Variants in ROBO1 observed in about 807,000 individuals in gnomAD.
The protein encoded by ROBO1 is roundabout homolog 1.
A neutral mutation model predicts 195.9 loss-of-function variants in ROBO1; 149 were observed. The observed-to-expected ratio is 0.76, with a 90% CI of 0.67 to 0.87. The LOEUF (loss-of-function observed/expected upper bound fraction) is 0.87, where lower values mean the gene tolerates loss of function less well. ROBO1 is among the 40% of genes least tolerant of loss of function. The probability of loss-of-function intolerance (pLI) is 0.00; values close to 1 mark genes in which losing one functional copy is unlikely to be tolerated. For synonymous variants in ROBO1, 816 were observed against 733.2 expected (o/e 1.11, Z -1.82); for missense variants, 1,933 against 2,068.3 (o/e 0.93, Z 1.27).
chr3:79,605,962 A>G (rs1019837406), intron 1 of ROBO1, among the ~76,000 whole-genome samples: 5 of 151,366 alleles, frequency 3.3e-5, no homozygotes, highest in African/African-American at 1.2e-4. Context: ...TTAAGTATAC[A>G]GATTTGGAAG....
intron 2 of ROBO1, among the ~76,000 whole-genome samples, chr3:79,322,326 G>A (rs2034015740): frequency 6.6e-6 from 1 of 152,136 alleles, no homozygotes; most frequent in South Asian, 2.1e-4. Context: ...GCCATAATTG[G>A]AAACCAACAA....
At chr3:78,669,547 T>C (rs952653332) in intron 11 of ROBO1, among the ~76,000 whole-genome samples, 34 of 152,358 alleles carry the variant, frequency 2.2e-4, no homozygotes, top group Middle Eastern at 3.4e-3. Flanking sequence ...TGGGATATGA[T>C]GCCCTGTGAA....
chr3:78,862,141 T>C (rs749911291), intron 4 of ROBO1, among the ~76,000 whole-genome samples: 1 of 152,140 alleles, frequency 6.6e-6, no homozygotes, highest in Non-Finnish European at 1.5e-5. Context: ...GCAGAGAATT[T>C]TCTCTGCTTG....
At chr3:78,678,840 C>T (rs892143792) in intron 10 of ROBO1, among the ~76,000 whole-genome samples, 5 of 152,076 alleles carry the variant, frequency 3.3e-5, no homozygotes, top group East Asian at 1.9e-4. Context: ...CCAGCATCAT[C>T]CTGATACCAA....
At chr3:79,708,475 T>C (rs1304242870) in intron 1 of ROBO1, among the ~76,000 whole-genome samples, 1 of 152,184 alleles carries the variant, frequency 6.6e-6, no homozygotes, top group African/African-American at 2.4e-5. Context: ...TATGTGTCAA[T>C]TTAGTTTTCA....
chr3:78,734,933 G>A (rs1014933349), intron 5 of ROBO1, among the ~76,000 whole-genome samples: 7 of 152,024 alleles, frequency 4.6e-5, no homozygotes, highest in Non-Finnish European at 8.8e-5. Flanking sequence ...AAAGATATAA[G>A]CACTTTATAA....
chr3:79,692,567 C>G (rs1039960157), intron 1 of ROBO1, among the ~76,000 whole-genome samples: 1 of 151,754 alleles, frequency 6.6e-6, no homozygotes, highest in East Asian at 1.9e-4. Context: ...AAGAAAGACA[C>G]AGGAAGACAA....
intron 1 of ROBO1, among the ~76,000 whole-genome samples, chr3:79,689,612 A>T (rs1025022196): frequency 3.9e-5 from 6 of 152,024 alleles, no homozygotes; most frequent in Admixed American, 3.3e-4. Context: ...GGAGGAAATC[A>T]ACTAATAAGG....
At chr3:79,230,213 C>G (rs1414534711) in intron 2 of ROBO1, among the ~76,000 whole-genome samples, 1 of 152,178 alleles carries the variant, frequency 6.6e-6, no homozygotes, top group Non-Finnish European at 1.5e-5. Context: ...AAAGCCCAGT[C>G]TCCCTTATGA....
intron 2 of ROBO1, among the ~76,000 whole-genome samples, chr3:79,300,233 G>C (rs564736424): frequency 6.6e-6 from 1 of 152,172 alleles, no homozygotes; most frequent in African/African-American, 2.4e-5. Context: ...AGGCGTGAGC[G>C]GGAACTGCGG....
chr3:78,903,548 A>G (rs1484675951), intron 4 of ROBO1, among the ~76,000 whole-genome samples: 1 of 146,158 alleles, frequency 6.8e-6, no homozygotes, highest in East Asian at 1.9e-4. Context: ...CAATAAAAGA[A>G]GTACACACAC....
chr3:78,646,160 C>A lies in ROBO1; in HGVS notation c.2870G>T (p.Ser957Ile). Residue 957 changes from serine (S) to isoleucine (I), a missense_variant, in exon 21 of 31, where the codon AGC becomes ATC. Coordinates refer to ENST00000464233, the MANE Select transcript of ROBO1 (RefSeq NM_002941.4). ...VTYQRGGEAV[S>I]SGGRPGLLNI... ...GCAAGATAATTACCTCCCTCCACTGCTGACAGCTTCGCCTCCTCTCTGGTA... is the reference window on the plus strand; with the variant it reads ...GCAAGATAATTACCTCCCTCCACTGATGACAGCTTCGCCTCCTCTCTGGTA... The A allele has an allele frequency of 6.2e-7, 1 of 1,607,412 alleles. No homozygotes were observed. Among genetic ancestry groups the A allele is most frequent in the Non-Finnish European group, 8.5e-7 (1 of 1,175,398 alleles).
intron 4 of ROBO1, among the ~76,000 whole-genome samples, chr3:78,864,963 G>C (rs907889799): frequency 6.6e-6 from 1 of 152,112 alleles, no homozygotes. Flanking sequence ...TTTCACGTTT[G>C]ATCGCTACTT....
chr3:78,995,655 C>T (rs1477923306), intron 3 of ROBO1, among the ~76,000 whole-genome samples: 1 of 103,696 alleles, frequency 9.6e-6, no homozygotes, highest in African/African-American at 3.5e-5. Context: ...AATCCCAATG[C>T]TTTGGGAGGC....
Position 78,978,996 on chromosome 3 carries a change from C to T in ROBO1, c.173-40069G>A, listed in dbSNP as rs186119017. ...AGTACAGCTTGAGGAACATCAGGCT[C>T]TTATTCATGGTTAAGTAATTAAAAA... On this transcript the variant is annotated intron_variant, in intron 3 of 30. Coordinates refer to ENST00000464233, the MANE Select transcript of ROBO1 (RefSeq NM_002941.4). Among the ~76,000 whole-genome samples the T allele has an allele frequency of 3.7e-3, 561 of 152,244 alleles. 4 individuals are homozygous for T. Among genetic ancestry groups the T allele is most frequent in the Middle Eastern group, 6.8e-3 (2 of 292 alleles).
intron 2 of ROBO1, among the ~76,000 whole-genome samples, chr3:79,537,750 G>A (rs1941926431): frequency 6.6e-6 from 1 of 151,986 alleles, no homozygotes; most frequent in Non-Finnish European, 1.5e-5. Flanking sequence ...GTGGGGAGAG[G>A]GGAGGGAGAG....
At chr3:79,428,496 T>A (rs772693810) in intron 2 of ROBO1, among the ~76,000 whole-genome samples, 10 of 152,152 alleles carry the variant, frequency 6.6e-5, no homozygotes, top group Non-Finnish European at 1.0e-4. Flanking sequence ...TCCTCATTAT[T>A]ATTTGGCAGT....
At chr3:79,045,361 G>C (rs1307283596) in intron 3 of ROBO1, among the ~76,000 whole-genome samples, 2 of 151,848 alleles carry the variant, frequency 1.3e-5, no homozygotes, top group East Asian at 1.9e-4. Flanking sequence ...TGAAAATAAA[G>C]AAGCTTAATG....
chr3:79,211,573 CATTATTGTCTTCCAAT>C (rs2081966384), intron 2 of ROBO1, among the ~76,000 whole-genome samples: 1 of 152,102 alleles, frequency 6.6e-6, no homozygotes. Context: ...AGAGGGAAAA[CATTATTGTCTTCCAAT>C]TTGGAAATCA....
Sources: allele counts gnomAD v4.1 joint callset (sites outside exome capture counted in the v4.1 genomes callset), GRCh38; gene constraint gnomAD v4.1.1; transcripts MANE v1.5; gene names NCBI Gene and HGNC (gene_info 2026-07-23, HGNC 2026-07-21).